Variants in CPM observed in about 807,000 individuals in gnomAD.
CPM encodes carboxypeptidase M, also known as renal carboxypeptidase.
Under a neutral mutation model 46.4 loss-of-function variants are expected in CPM, and 35 were observed. The ratio of observed to expected loss-of-function variants is 0.75; its 90% CI spans 0.58 to 1.00. The LOEUF (loss-of-function observed/expected upper bound fraction) is 1.00. Ranked by LOEUF, CPM falls within the 50% of genes least tolerant of loss-of-function variation. The pLI, the probability that CPM is intolerant of heterozygous loss-of-function variation, is 0.00. For synonymous variants in CPM, 195 were observed against 195.3 expected, an observed-to-expected ratio of 1.00 and a Z score of 0.01; for missense variants, 422 against 530.4, an observed-to-expected ratio of 0.80 and a Z score of 2.01.
upstream of CPM, among the ~76,000 whole-genome samples, chr12:68,935,413 G>A (rs903071211): frequency 2.0e-5 from 3 of 151,936 alleles, no homozygotes; most frequent in South Asian, 2.1e-4. Flanking sequence ...GGCACGCATC[G>A]CCACACCTAC....
At chr12:68,884,179 T>C (rs1002044117) in intron 3 of CPM, among the ~76,000 whole-genome samples, 4 of 146,276 alleles carry the variant, frequency 2.7e-5, no homozygotes, top group East Asian at 2.0e-4. Context: ...ATAGACAAGA[T>C]AGCAAAAGGG....
chr12:68,869,372 T>C lies in CPM; in HGVS notation c.740A>G (p.Asn247Ser). 6.2e-7 allele frequency: 1 copy of C among 1,613,932 alleles called. No homozygotes were observed. Among genetic ancestry groups the C allele is most frequent in the Non-Finnish European group, 8.5e-7 (1 of 1,179,980 alleles). The change falls in exon 6 of 9, where the codon AAC (asparagine) becomes AGC (serine). Residue 247 changes from asparagine (N) to serine (S), a missense_variant. By Grantham distance (46) the Asn-to-Ser change is conservative. Coordinates refer to ENST00000551568, the MANE Select transcript of CPM (RefSeq NM_198320.5). ...KKGDECKNKMNFPNGVTNGYS... is the reference protein window; with the variant it reads ...KKGDECKNKMSFPNGVTNGYS... ...TCCATTTGTAACACCATTAGGAAAG[T>C]TCATTTTGTTTTTACACTCGTCTCC...
At chr12:68,893,557 C>A (rs1293377543) in intron 2 of CPM, among the ~76,000 whole-genome samples, 1 of 152,198 alleles carries the variant, frequency 6.6e-6, no homozygotes, top group Non-Finnish European at 1.5e-5. Flanking sequence ...GTGCTCTATT[C>A]TGCTCTGAAG....
chr12:68,959,200 C>T lies in CPM; in HGVS notation c.-4+3969G>A, dbSNP rs553910682. On this transcript the variant is annotated intron_variant, in intron 1 of 8. Coordinates refer to the CPM transcript ENST00000546373. Reference sequence around the variant, plus strand: ...CCCGTTCAGTGTTGCATCCCAGCACCCACAGCAGTCCCTGGCACAGAGTAA... The same window carrying T: ...CCCGTTCAGTGTTGCATCCCAGCACTCACAGCAGTCCCTGGCACAGAGTAA... Among the ~76,000 whole-genome samples the T allele has an allele frequency of 1.5e-4, 23 of 152,244 alleles. No individual in the cohort carries two copies. In the South Asian group the frequency reaches 4.6e-3, roughly 30 times the overall value.
chr12:68,866,219 A>G (rs547028723), intron 7 of CPM, among the ~76,000 whole-genome samples: 7 of 152,328 alleles, frequency 4.6e-5, no homozygotes, highest in Non-Finnish European at 8.8e-5. Context: ...AAGCAAACAT[A>G]GTATTTTTCT....
intron 2 of CPM, among the ~76,000 whole-genome samples, chr12:68,889,017 ACAT>A (rs933053543): frequency 4.6e-5 from 7 of 152,234 alleles, no homozygotes; most frequent in African/African-American, 1.7e-4. Context: ...TGTCTTTCCC[ACAT>A]CAGAGGCACC....
At chr12:68,956,988 A>T (rs969902258) in intron 1 of CPM, among the ~76,000 whole-genome samples, 1 of 152,186 alleles carries the variant, frequency 6.6e-6, no homozygotes, top group Non-Finnish European at 1.5e-5. Context: ...TGCTAATAAC[A>T]TAAGGGCACA....
At chr12:68,926,296 A>T (rs1389111082) in intron 2 of CPM, among the ~76,000 whole-genome samples, 1 of 152,186 alleles carries the variant, frequency 6.6e-6, no homozygotes, top group Non-Finnish European at 1.5e-5. Flanking sequence ...AATATAAAAC[A>T]TTATTAGTGA....
At chr12:68,925,345 A>T (rs2136313202) in intron 2 of CPM, among the ~76,000 whole-genome samples, 1 of 152,290 alleles carries the variant, frequency 6.6e-6, no homozygotes, top group South Asian at 2.1e-4. Flanking sequence ...GCCAGGAATT[A>T]TTCTAAAGAC....
At chr12:68,909,863 C>T (rs1429144895) in intron 2 of CPM, among the ~76,000 whole-genome samples, 2 of 151,536 alleles carry the variant, frequency 1.3e-5, no homozygotes, top group Non-Finnish European at 2.9e-5. Context: ...GGAGGGATAA[C>T]ATTAGGAGAA....
At chr12:68,896,324 A>G (rs1413264252) in intron 2 of CPM, among the ~76,000 whole-genome samples, 1 of 152,154 alleles carries the variant, frequency 6.6e-6, no homozygotes, top group African/African-American at 2.4e-5. Context: ...ACTTTCATAG[A>G]TAGTACCCCT....
chr12:68,842,517 A>G (rs1883861606), intron 5 of CPM: 1 of 377,996 alleles, frequency 2.6e-6, no homozygotes, highest in Non-Finnish European at 5.1e-6. Context: ...AAAATCATCT[A>G]CATTGCTGTC....
chr12:68,934,923 A>C (rs1478191914), upstream of CPM, among the ~76,000 whole-genome samples: 1 of 151,534 alleles, frequency 6.6e-6, no homozygotes, highest in African/African-American at 2.4e-5. Context: ...TTCTTTCTTT[A>C]TTTTTTGAGA....
Position 68,858,869 on chromosome 12 carries a change from A to G in CPM, c.1089+54T>C, listed in dbSNP as rs78375384. The G allele has an allele frequency of 1.7e-3, 1,922 of 1,145,826 alleles. 30 individuals carry two copies. In the African/African-American group the frequency reaches 0.028, roughly 17 times the overall value. 71.0% of individuals were successfully genotyped at this position (1,145,826 alleles called of 1,614,324 possible). ...ATTTTGGATTCCTTCTGGGTGAATA[A>G]GTATTATGAGTTCTATAATATTTTA... On this transcript the variant is annotated intron_variant, in intron 8 of 8. Coordinates refer to ENST00000551568, the MANE Select transcript of CPM (RefSeq NM_198320.5).
intron 2 of CPM, among the ~76,000 whole-genome samples, chr12:68,931,761 A>AG (rs1426538462): frequency 1.4e-4 from 21 of 145,200 alleles, no homozygotes; most frequent in Middle Eastern, 3.4e-3. Flanking sequence ...AAAAAAAAAA[A>AG]AAAAAGAAAG....
chr12:68,932,869 T>C, intron 1 of CPM, 29 bp from the exon 2 acceptor site: 2 of 1,606,084 alleles, frequency 1.2e-6, no homozygotes, highest in Non-Finnish European at 1.7e-6. Flanking sequence ...AAGAAGAACC[T>C]GAGAACACAT....
At chr12:68,869,219 C>T in intron 6 of CPM, 106 bp downstream of exon 6, 1 of 881,468 alleles carries the variant, frequency 1.1e-6, no homozygotes, top group Non-Finnish European at 1.8e-6. Context: ...GAGTGAAGGG[C>T]CTATTGTGCC....
intron 2 of CPM, among the ~76,000 whole-genome samples, chr12:68,924,778 G>A (rs1233250691): frequency 6.6e-6 from 1 of 152,210 alleles, no homozygotes; most frequent in African/African-American, 2.4e-5. Flanking sequence ...AGCAGAGTGT[G>A]ACGGATGACC....
intron 2 of CPM, among the ~76,000 whole-genome samples, chr12:68,910,797 T>C (rs971376943): frequency 1.3e-5 from 2 of 152,188 alleles, no homozygotes; most frequent in African/African-American, 4.8e-5. Flanking sequence ...TATCCTCATA[T>C]ATACTTTGTG....
Sources: gnomAD v4.1 joint callset for allele counts (sites outside exome capture counted in the v4.1 genomes callset) on GRCh38, gnomAD v4.1.1 for gene constraint, MANE v1.5 for transcripts, NCBI Gene and HGNC (gene_info 2026-07-23, HGNC 2026-07-21) for gene names.